PCDHA2: variants seen among roughly 807,000 people sequenced by gnomAD.
PCDHA2 encodes the protein protocadherin alpha-2.
Under a neutral mutation model 66.0 loss-of-function variants are expected in PCDHA2, and 58 were observed. The observed-to-expected ratio is 0.88, with a 90% CI of 0.71 to 1.09. PCDHA2 has a LOEUF of 1.09. Among genes scored for constraint, PCDHA2 ranks in the 50% least tolerant of loss-of-function variants. PCDHA2 has a pLI of 0.00. For synonymous variants in PCDHA2, 634 were observed against 554.0 expected (o/e 1.14, Z -2.03); for missense variants, 1,267 against 1,242.3 (o/e 1.02, Z -0.30).
At chr5:140,826,125 T>G (rs2150142627) in intron 1 of PCDHA2, among the ~76,000 whole-genome samples, 3 of 152,250 alleles carry the variant, frequency 2.0e-5, no homozygotes, top group African/African-American at 7.2e-5. Context: ...CCTAATATCC[T>G]GAGCTACTTT....
chr5:140,829,431 A>C, intron 1 of PCDHA2: 3 of 1,614,098 alleles, frequency 1.9e-6, no homozygotes, highest in Non-Finnish European at 2.5e-6. Context: ...GAGGTGGCCG[A>C]CATGAATGAC....
At chr5:140,927,306 G>A (rs782091835) in intron 1 of PCDHA2, 1 of 1,614,158 alleles carries the variant, frequency 6.2e-7, no homozygotes, top group Admixed American at 1.7e-5. Flanking sequence ...AGTTCCTGAC[G>A]CCCGGAGCCC....
At chr5:140,919,658 T>G (rs1271844986) in intron 1 of PCDHA2, among the ~76,000 whole-genome samples, 1 of 152,230 alleles carries the variant, frequency 6.6e-6, no homozygotes, top group South Asian at 2.1e-4. Context: ...GTTTACCATA[T>G]ATATTTTAGC....
intron 1 of PCDHA2, chr5:140,824,277 CT>C: frequency 8.7e-7 from 1 of 1,143,248 alleles, no homozygotes; most frequent in Non-Finnish European, 1.3e-6. Flanking sequence ...GTATTATATG[CT>C]TTTTATGAGG....
chr5:140,975,841 G>T (rs1389959509), intron 1 of PCDHA2, among the ~76,000 whole-genome samples: 1 of 152,066 alleles, frequency 6.6e-6, no homozygotes, highest in Non-Finnish European at 1.5e-5. Context: ...TTATTCTTCA[G>T]TAATACTACA....
At position 141,010,632 on chromosome 5, in the gene PCDHA2, A is replaced by G. The variant is rs782191972; in HGVS notation, c.*695A>G. The G allele has an allele frequency of 1.6e-5, 3 of 185,902 alleles. No individual in the cohort carries two copies. Among genetic ancestry groups the G allele is most frequent in the Non-Finnish European group, 3.4e-5 (3 of 88,214 alleles). The allele number at this position is 185,902 out of a possible 1,614,324, so 11.5% of individuals were successfully genotyped here. On this transcript the variant is annotated 3_prime_UTR_variant, in exon 4 of 4. Coordinates refer to ENST00000526136, the MANE Select transcript of PCDHA2 (RefSeq NM_018905.3). ...ACCTAAAATCTGCATCATACCTGCAAGCCAACAGTTCAGTGTTTTAACAGA... is the reference window on the plus strand; with the variant it reads ...ACCTAAAATCTGCATCATACCTGCAGGCCAACAGTTCAGTGTTTTAACAGA...
chr5:140,883,302 A>G, intron 1 of PCDHA2: 1 of 1,614,110 alleles, frequency 6.2e-7, no homozygotes, highest in Non-Finnish European at 8.5e-7. Flanking sequence ...GATGTAAATG[A>G]TAACGCCCCA....
At chr5:140,950,127 GAC>G (rs1554219301) in intron 1 of PCDHA2, among the ~76,000 whole-genome samples, 2 of 151,794 alleles carry the variant, frequency 1.3e-5, no homozygotes, top group Non-Finnish European at 2.9e-5. Context: ...AAACCCACAA[GAC>G]ACAGTTATAA....
chr5:140,899,056 G>C (rs1370417194), intron 1 of PCDHA2, among the ~76,000 whole-genome samples: 14 of 152,060 alleles, frequency 9.2e-5, no homozygotes, highest in Non-Finnish European at 2.9e-5. Flanking sequence ...CTGAGACTTT[G>C]CTGAAGTTGC....
chr5:140,797,799 C>A (rs1443233324), intron 1 of PCDHA2, among the ~76,000 whole-genome samples: 1 of 152,138 alleles, frequency 6.6e-6, no homozygotes, highest in African/African-American at 2.4e-5. Flanking sequence ...TTAGATTGTT[C>A]TTTGGATCAA....
At chr5:140,989,444 T>C (rs2097342711) in intron 3 of PCDHA2, among the ~76,000 whole-genome samples, 1 of 152,130 alleles carries the variant, frequency 6.6e-6, no homozygotes, top group South Asian at 2.1e-4. Context: ...CTGAGGTTGT[T>C]TAGAATTGTT....
At chr5:140,802,817 G>A in intron 1 of PCDHA2, 3 of 1,613,536 alleles carry the variant, frequency 1.9e-6, no homozygotes, top group South Asian at 1.1e-5. Context: ...CGCGCGATGC[G>A]GGCGTGCCGC....
chr5:140,988,936 T>C (rs2097321406), intron 3 of PCDHA2: 1 of 152,158 alleles, frequency 6.6e-6, no homozygotes, highest in Non-Finnish European at 1.5e-5. Flanking sequence ...ACTGTTCTCT[T>C]AGGCTGCAGT....
At chr5:140,875,465 T>G in intron 1 of PCDHA2, 1 of 1,599,690 alleles carries the variant, frequency 6.3e-7, no homozygotes, top group Non-Finnish European at 8.5e-7. Flanking sequence ...AGGCCCTCAT[T>G]TTCTGCAATG....
chr5:140,875,637 G>T, intron 1 of PCDHA2: 1 of 1,613,638 alleles, frequency 6.2e-7, no homozygotes, highest in Non-Finnish European at 8.5e-7. Flanking sequence ...TGGGGCTGGA[G>T]CTGGCGGAGC....
At chr5:140,830,776 T>A (rs190922926) in intron 1 of PCDHA2, 105 of 166,754 alleles carry the variant, frequency 6.3e-4, no homozygotes, top group Admixed American at 1.3e-3. Flanking sequence ...CATAGTAGCA[T>A]TTTTTTCTGA....
At chr5:140,981,017 G>T (rs782757397) in intron 2 of PCDHA2, among the ~76,000 whole-genome samples, 42 of 152,076 alleles carry the variant, frequency 2.8e-4, no homozygotes, top group Non-Finnish European at 5.3e-4. Flanking sequence ...ACACTTGAAG[G>T]CTGTTAATAT....
chr5:140,870,549 C>G, intron 1 of PCDHA2: 1 of 1,614,064 alleles, frequency 6.2e-7, no homozygotes, highest in Middle Eastern at 1.7e-4. Context: ...GGGACGCGGA[C>G]GCGCAGGAGA....
intron 1 of PCDHA2, chr5:140,878,013 G>A (rs1554170262): frequency 2.4e-6 from 2 of 839,000 alleles, no homozygotes; most frequent in South Asian, 2.6e-5. Context: ...TAACATTAAT[G>A]AAGGAAATAT....
Sources: allele counts gnomAD v4.1 joint callset (sites outside exome capture counted in the v4.1 genomes callset), GRCh38; gene constraint gnomAD v4.1.1; transcripts MANE v1.5; gene names NCBI Gene and HGNC (gene_info 2026-07-23, HGNC 2026-07-21).